The following SLC35F4 variants were observed in gnomAD, a reference collection of about 807,000 sequenced individuals.
SLC35F4 encodes chromosome 14 open reading frame 36.
In SLC35F4, 24 loss-of-function variants were observed where a neutral mutation model predicts 44.2. That is an observed-to-expected ratio of 0.54 (90% CI 0.39 to 0.76). SLC35F4 has a LOEUF of 0.76. Ranked by LOEUF, SLC35F4 falls within the 30% of genes least tolerant of loss-of-function variation. SLC35F4 has a pLI of 0.00. For synonymous variants in SLC35F4, 238 were observed against 223.6 expected, an observed-to-expected ratio of 1.06 and a Z score of -0.57; for missense variants, 562 against 586.1, an observed-to-expected ratio of 0.96 and a Z score of 0.42.
At chr14:57,883,852 T>G (rs1789407147) in intron 1 of SLC35F4, among the ~76,000 whole-genome samples, 1 of 152,222 alleles carries the variant, frequency 6.6e-6, no homozygotes, top group Non-Finnish European at 1.5e-5. Flanking sequence ...ATTCACCTTC[T>G]AATCTTTCTA....
At chr14:57,755,196 G>A (rs1163392508) in intron 1 of SLC35F4, among the ~76,000 whole-genome samples, 2 of 152,184 alleles carry the variant, frequency 1.3e-5, no homozygotes, top group Non-Finnish European at 2.9e-5. Flanking sequence ...CCACCACAGG[G>A]CTCGCTGTGT....
chr14:57,630,337 A>G, intron 1 of SLC35F4: 2 of 591,718 alleles, frequency 3.4e-6, no homozygotes, highest in Non-Finnish European at 6.3e-6. Flanking sequence ...AGTCCTAGAA[A>G]CAGTAGACCG....
downstream of SLC35F4, among the ~76,000 whole-genome samples, chr14:57,972,244 A>G (rs1881076002): frequency 6.6e-6 from 1 of 152,232 alleles, no homozygotes; most frequent in Non-Finnish European, 1.5e-5. Flanking sequence ...TAAATATGAA[A>G]AAATGATAGG....
At chr14:57,885,344 T>C (rs1243108849) in intron 1 of SLC35F4, among the ~76,000 whole-genome samples, 1 of 152,170 alleles carries the variant, frequency 6.6e-6, no homozygotes, top group Non-Finnish European at 1.5e-5. Flanking sequence ...TAAATAAGTT[T>C]TCCTATGGAA....
chr14:57,759,119 T>C (rs1269525637), intron 1 of SLC35F4, among the ~76,000 whole-genome samples: 1 of 152,206 alleles, frequency 6.6e-6, no homozygotes, highest in African/African-American at 2.4e-5. Context: ...TCATATTTTC[T>C]CTATTCATCT....
chr14:57,913,320 T>C (rs1354851968), intron 1 of SLC35F4, among the ~76,000 whole-genome samples: 1 of 152,134 alleles, frequency 6.6e-6, no homozygotes, highest in Non-Finnish European at 1.5e-5. Context: ...CTGTTTTCTC[T>C]TTCTTACCCT....
rs1300735332 is a variant in SLC35F4 at position 57,925,477 on chromosome 14, AGAAG to A, written n.282+56432_282+56435del. Among the ~76,000 whole-genome samples the A allele has an allele frequency of 1.9e-3, 206 of 106,826 alleles. 1 individual carries two copies. Among genetic ancestry groups the A allele is most frequent in the African/African-American group, 6.1e-3 (173 of 28,474 alleles). 70.1% of individuals were successfully genotyped at this position (106,826 alleles called of 152,430 possible). On this transcript the variant is annotated intron_variant and non_coding_transcript_variant, in intron 1 of 1. Transcript: ENST00000556568. The stretch of plus-strand genomic sequence containing the variant: ...GATTCTCCTAAGAAATGGGAAGGAA[AGAAG>A]GAAGGAAGGAAGGAAGGGAGGGAGG...
At chr14:57,765,366 TC>T (rs879315238) in intron 1 of SLC35F4, among the ~76,000 whole-genome samples, 3 of 152,040 alleles carry the variant, frequency 2.0e-5, no homozygotes, top group Non-Finnish European at 4.4e-5. Flanking sequence ...AAGATAAAGA[TC>T]CCCTCTCTAC....
chr14:57,811,501 A>G (rs1431111781), intron 1 of SLC35F4, among the ~76,000 whole-genome samples: 1 of 152,234 alleles, frequency 6.6e-6, no homozygotes, highest in African/African-American at 2.4e-5. Context: ...CAGATGTGGA[A>G]GACGTGGTAT....
rs17093860 is a variant in SLC35F4, at chr14:57,895,882, C to G, written n.282+86031G>C. 0.023 allele frequency among the ~76,000 whole-genome samples: 3,464 copies of G among 152,112 alleles called. 428 individuals are homozygous for G. The East Asian group carries it at 0.39, about 17-fold the overall frequency. ...TTCATGTTCTTTGTGAGCCCCTATACCTGGCATTCTACTACTAATATACAA... is the reference window on the plus strand; with the variant it reads ...TTCATGTTCTTTGTGAGCCCCTATAGCTGGCATTCTACTACTAATATACAA... On this transcript the variant is annotated intron_variant and non_coding_transcript_variant, in intron 1 of 1. Coordinates refer to the SLC35F4 transcript ENST00000556568.
chr14:57,900,156 A>AT (rs1298494213), intron 1 of SLC35F4, among the ~76,000 whole-genome samples: 1 of 152,250 alleles, frequency 6.6e-6, no homozygotes, highest in East Asian at 1.9e-4. Flanking sequence ...TGTTTGGTGC[A>AT]TTTTACAATC....
intron 1 of SLC35F4, among the ~76,000 whole-genome samples, chr14:57,668,336 T>G (rs993958890): frequency 2.0e-5 from 3 of 151,654 alleles, no homozygotes; most frequent in Non-Finnish European, 2.9e-5. Flanking sequence ...TTAGTTTAAT[T>G]AGATTCCATT....
chr14:57,920,712 AC>A (rs1283280319), intron 1 of SLC35F4, among the ~76,000 whole-genome samples: 1 of 152,260 alleles, frequency 6.6e-6, no homozygotes, highest in East Asian at 1.9e-4. Context: ...TCAAGAAAAG[AC>A]AGGTGTAAAA....
At chr14:57,632,138 G>C (rs532193006) in intron 1 of SLC35F4, among the ~76,000 whole-genome samples, 41 of 151,702 alleles carry the variant, frequency 2.7e-4, no homozygotes, top group Admixed American at 2.6e-3. Flanking sequence ...TTATATGCAG[G>C]TTTAATTTTT....
intron 1 of SLC35F4, among the ~76,000 whole-genome samples, chr14:57,946,469 CTTTTTTTTTTTT>C (rs71104596): frequency 1.3e-4 from 10 of 78,214 alleles, no homozygotes; most frequent in African/African-American, 4.1e-4. Context: ...GTTTTCTTTT[CTTTTTTTTTTTT>C]TTTTTTTTTT....
intron 2 of SLC35F4, among the ~76,000 whole-genome samples, chr14:57,591,327 G>A (rs1278629690): frequency 6.6e-5 from 10 of 152,194 alleles, no homozygotes; most frequent in Non-Finnish European, 1.0e-4. Context: ...AATGTCCATG[G>A]TGCAGTGACA....
chr14:57,872,300 C>A (rs375201723), intron 1 of SLC35F4, among the ~76,000 whole-genome samples: 16 of 151,756 alleles, frequency 1.1e-4, no homozygotes, highest in Admixed American at 5.2e-4. Flanking sequence ...TTTTAAATGC[C>A]CTGAAATAAT....
chr14:57,931,541 A>G (rs1034606008), intron 1 of SLC35F4, among the ~76,000 whole-genome samples: 1 of 152,220 alleles, frequency 6.6e-6, no homozygotes, highest in Non-Finnish European at 1.5e-5. Flanking sequence ...AAAATGAGAA[A>G]CTATAGTGCA....
At chr14:57,839,415 G>A (rs1237516669) in intron 1 of SLC35F4, among the ~76,000 whole-genome samples, 1 of 152,164 alleles carries the variant, frequency 6.6e-6, no homozygotes, top group Admixed American at 6.6e-5. Flanking sequence ...AAAGGAATGA[G>A]ATCATGACCT....
Sources: gnomAD v4.1 joint callset for allele counts (sites outside exome capture counted in the v4.1 genomes callset) on GRCh38, gnomAD v4.1.1 for gene constraint, MANE v1.5 for transcripts, NCBI Gene and HGNC (gene_info 2026-07-23, HGNC 2026-07-21) for gene names.